Variants in TEK observed in about 807,000 individuals in gnomAD.
The protein encoded by TEK is angiopoietin-1 receptor.
A neutral mutation model predicts 131.8 loss-of-function variants in TEK; 43 were observed. That is an observed-to-expected ratio of 0.33 (90% CI 0.26 to 0.42). The LOEUF (loss-of-function observed/expected upper bound fraction) is 0.42. Among genes scored for constraint, TEK ranks in the 10% least tolerant of loss-of-function variants. The pLI is 1.00. For synonymous variants in TEK, 580 were observed against 491.6 expected, an observed-to-expected ratio of 1.18 and a Z score of -2.38; for missense variants, 1,162 against 1,384.4, an observed-to-expected ratio of 0.84 and a Z score of 2.55.
chr9:27,224,843 T>C lies in TEK; in HGVS notation c.3201-3363T>C, dbSNP rs192684310. Among the ~76,000 whole-genome samples, 6 of 152,324 alleles carry C rather than the reference T, an allele frequency of 3.9e-5. No individual in the cohort carries two copies. The East Asian group carries it at 1.2e-3, about 29-fold the overall frequency. ...TCTCTGTCTGCAGATGACATGATTGTATTTCTAGAAAACCCCATTGTCTCA... is the reference window on the plus strand; with the variant it reads ...TCTCTGTCTGCAGATGACATGATTGCATTTCTAGAAAACCCCATTGTCTCA... On this transcript the variant is annotated intron_variant, in intron 21 of 22. Transcript: ENST00000380036.
Position 27,187,048 on chromosome 9 carries a change from C to T in TEK, c.1327+1419C>T, listed in dbSNP as rs182169978. Among the ~76,000 whole-genome samples, 758 of 152,270 alleles carry T rather than the reference C, an allele frequency of 5.0e-3. 3 individuals carry two copies. Among genetic ancestry groups the T allele is most frequent in the African/African-American group, 0.017 (706 of 41,550 alleles). On this transcript the variant is annotated intron_variant, in intron 9 of 22. Coordinates refer to ENST00000380036, the MANE Select transcript of TEK (RefSeq NM_000459.5). Reference sequence around the variant, plus strand: ...TTCTTGGAAGAAAGGAAATGATATGCAGACAAGAAAAATTACCCTACTTTT... The same window carrying T: ...TTCTTGGAAGAAAGGAAATGATATGTAGACAAGAAAAATTACCCTACTTTT...
intron 3 of TEK, 113 bp from the exon 4 acceptor site, chr9:27,169,364 G>A: frequency 7.2e-7 from 1 of 1,391,532 alleles, no homozygotes; most frequent in Admixed American, 1.7e-5. Flanking sequence ...TCCAATATGT[G>A]AGAGCACATT....
intron 6 of TEK, among the ~76,000 whole-genome samples, chr9:27,179,687 T>C (rs997023438): frequency 1.3e-5 from 2 of 152,198 alleles, no homozygotes; most frequent in African/African-American, 2.4e-5. Context: ...TGGGCTGCTT[T>C]GAGTCTATAC....
At chr9:27,166,971 G>T (rs1359611003) in intron 2 of TEK, among the ~76,000 whole-genome samples, 1 of 152,104 alleles carries the variant, frequency 6.6e-6, no homozygotes, top group Non-Finnish European at 1.5e-5. Flanking sequence ...TAGATAGACT[G>T]TTTCTCTTCC....
At chr9:27,203,308 G>A (rs1326221528) in intron 13 of TEK, among the ~76,000 whole-genome samples, 189 bp downstream of exon 13, 2 of 152,080 alleles carry the variant, frequency 1.3e-5, no homozygotes, top group African/African-American at 4.8e-5. Flanking sequence ...TTCTATTATT[G>A]AACCTTAGAA....
intron 12 of TEK, 24 bp downstream of exon 12, chr9:27,197,623 C>G: frequency 6.2e-7 from 1 of 1,613,298 alleles, no homozygotes; most frequent in Non-Finnish European, 8.5e-7. Context: ...GCTGCTCCAG[C>G]CTCATCTGAG....
intron 10 of TEK, among the ~76,000 whole-genome samples, chr9:27,191,269 C>T (rs1282271877): frequency 6.6e-6 from 1 of 151,906 alleles, no homozygotes; most frequent in Non-Finnish European, 1.5e-5. Flanking sequence ...AGCTACAGAC[C>T]CCTCCCCTAA....
chr9:27,157,521 A>G (rs1823380049), intron 1 of TEK, among the ~76,000 whole-genome samples: 1 of 152,234 alleles, frequency 6.6e-6, no homozygotes, highest in South Asian at 2.1e-4. Flanking sequence ...ATTCATCTTA[A>G]TACTACATAC....
At chr9:27,138,135 T>C (rs960353483) in intron 1 of TEK, among the ~76,000 whole-genome samples, 5 of 152,226 alleles carry the variant, frequency 3.3e-5, no homozygotes, top group African/African-American at 1.2e-4. Flanking sequence ...AGTGAGTGTT[T>C]CAGCTCATAA....
intron 1 of TEK, among the ~76,000 whole-genome samples, chr9:27,134,596 A>AT (rs1195368048): frequency 2.0e-5 from 3 of 152,304 alleles, no homozygotes; most frequent in Admixed American, 6.5e-5. Flanking sequence ...GACTAGTCAT[A>AT]TTTTAAAATT....
In TEK at chr9:27,229,488, T is replaced by G. The variant is rs2131268311; in HGVS notation, c.*256T>G. On this transcript the variant is annotated 3_prime_UTR_variant, in exon 23 of 23. Transcript: ENST00000380036. ...TTGTGGTTTCATATGCAATAATATATTTTTTTAAAAATGTGGACTTCATAG... is the reference window on the plus strand; with the variant it reads ...TTGTGGTTTCATATGCAATAATATAGTTTTTTAAAAATGTGGACTTCATAG... 2.0e-6 allele frequency: 1 copy of G among 506,666 alleles called. No homozygotes were observed. Among genetic ancestry groups the G allele is most frequent in the Non-Finnish European group, 3.6e-6 (1 of 281,152 alleles). The allele number at this position is 506,666 out of a possible 1,614,324, so 31.4% of individuals were successfully genotyped here.
At chr9:27,162,591 A>G (rs571530084) in intron 2 of TEK, among the ~76,000 whole-genome samples, 1 of 152,228 alleles carries the variant, frequency 6.6e-6, no homozygotes, top group Non-Finnish European at 1.5e-5. Flanking sequence ...TCCCAAACAT[A>G]ATTTACGAAG....
intron 19 of TEK, 140 bp downstream of exon 19, chr9:27,217,898 C>G (rs1825876751): frequency 1.0e-5 from 8 of 792,308 alleles, no homozygotes; most frequent in Non-Finnish European, 1.7e-5. Flanking sequence ...AATAAATTAG[C>G]AGAATAAAGC....
intron 21 of TEK, among the ~76,000 whole-genome samples, chr9:27,227,911 G>A (rs929696881): frequency 6.6e-6 from 1 of 152,146 alleles, no homozygotes; most frequent in Non-Finnish European, 1.5e-5. Context: ...GAAATATGCA[G>A]CATTCCAAGG....
intron 12 of TEK, among the ~76,000 whole-genome samples, chr9:27,198,963 T>A (rs908927073): frequency 2.6e-5 from 4 of 151,958 alleles, no homozygotes; most frequent in East Asian, 1.9e-4. Context: ...ACACCTGACT[T>A]TTTTTAAAAA....
At chr9:27,218,932 T>C (rs1280343154) in intron 20 of TEK, 115 bp downstream of exon 20, 4 of 1,055,318 alleles carry the variant, frequency 3.8e-6, no homozygotes, top group Non-Finnish European at 5.9e-6. Context: ...TTCTACCAGA[T>C]GTGACTTGGA....
Position 27,220,034 on chromosome 9 carries a change from C to G in TEK, c.3104-15C>G, listed in dbSNP as rs766232720. The G allele has an allele frequency of 5.5e-5, 89 of 1,613,372 alleles. No individual in the cohort carries two copies. Among genetic ancestry groups the G allele is most frequent in the East Asian group, 3.3e-4 (15 of 44,896 alleles). On this transcript the variant is annotated splice_polypyrimidine_tract_variant and intron_variant, in intron 20 of 22. Coordinates refer to ENST00000380036, the MANE Select transcript of TEK (RefSeq NM_000459.5). The stretch of plus-strand genomic sequence containing the variant: ...ATGCCAGAGAGGACTTAGAGTGGCA[C>G]TGTTTGTCTTCCAGGAGGCACACCC...
chr9:27,209,960 G>C (rs140746010), intron 16 of TEK, among the ~76,000 whole-genome samples: 1 of 152,074 alleles, frequency 6.6e-6, no homozygotes, highest in South Asian at 2.1e-4. Context: ...TTCACTTCTC[G>C]TGGAAAAGTT....
intron 1 of TEK, among the ~76,000 whole-genome samples, chr9:27,150,057 T>C (rs2131102666): frequency 6.6e-6 from 1 of 152,330 alleles, no homozygotes; most frequent in South Asian, 2.1e-4. Context: ...TCTAGCTTTT[T>C]AGCCACCTCT....
Sources: allele counts gnomAD v4.1 joint callset (sites outside exome capture counted in the v4.1 genomes callset), GRCh38; gene constraint gnomAD v4.1.1; transcripts MANE v1.5; gene names NCBI Gene and HGNC (gene_info 2026-07-23, HGNC 2026-07-21).